STX18: variants seen among roughly 807,000 people sequenced by gnomAD.
The protein encoded by STX18 is syntaxin-18.
A neutral mutation model predicts 50.1 loss-of-function variants in STX18; 40 were observed. That is an observed-to-expected ratio of 0.80 (90% CI 0.62 to 1.04). The LOEUF is 1.04. STX18 is among the 50% of genes least tolerant of loss of function. The probability of loss-of-function intolerance (pLI) is 0.00; values close to 1 mark genes in which losing one functional copy is unlikely to be tolerated. For synonymous variants in STX18, 158 were observed against 151.8 expected (o/e 1.04, Z -0.30); for missense variants, 410 against 415.8 (o/e 0.99, Z 0.12).
intron 1 of STX18, chr4:4,507,324 A>G (rs909181917): frequency 3.3e-5 from 24 of 736,818 alleles, no homozygotes; most frequent in Non-Finnish European, 5.1e-5. Flanking sequence ...CTCAGCTCAC[A>G]GAGCTGAATA....
chr4:4,512,414 A>T (rs1730047639), intron 1 of STX18, among the ~76,000 whole-genome samples: 1 of 152,108 alleles, frequency 6.6e-6, no homozygotes. Flanking sequence ...TGACCTAGAG[A>T]GTAGAAGATA....
In STX18 at chr4:4,434,759, A is replaced by C. The variant is rs905610889; in HGVS notation, c.702+11T>G. ...GTTAAAAATAAATAATTAGGCAGAG[A>C]ATAGCATTACCATTTGTATTTCTTC... On this transcript the variant is annotated intron_variant, in intron 7 of 10. Coordinates refer to ENST00000306200, the MANE Select transcript of STX18 (RefSeq NM_016930.4). 9.4e-6 allele frequency: 15 copies of C among 1,597,126 alleles called. No individual in the cohort carries two copies. Among genetic ancestry groups the C allele is most frequent in the East Asian group, 4.5e-5 (2 of 44,448 alleles).
At chr4:4,441,822 A>G (rs1726122206) in intron 5 of STX18, among the ~76,000 whole-genome samples, 1 of 152,248 alleles carries the variant, frequency 6.6e-6, no homozygotes. Context: ...ACTCTAGTTA[A>G]TGATATGCAT....
At chr4:4,454,684 TTTTTC>T (rs1209548363) in intron 5 of STX18, among the ~76,000 whole-genome samples, 1 of 152,198 alleles carries the variant, frequency 6.6e-6, no homozygotes. Context: ...CACCCAGATA[TTTTTC>T]TTTTGACAGC....
At chr4:4,520,246 C>T (rs1730450930) in intron 1 of STX18, among the ~76,000 whole-genome samples, 1 of 152,112 alleles carries the variant, frequency 6.6e-6, no homozygotes, top group Non-Finnish European at 1.5e-5. Context: ...CTCAAAGATC[C>T]CAACTCTTTC....
intron 1 of STX18, among the ~76,000 whole-genome samples, chr4:4,521,972 A>G (rs1398705738): frequency 6.6e-6 from 1 of 152,184 alleles, no homozygotes; most frequent in Non-Finnish European, 1.5e-5. Flanking sequence ...CAGGCTCACA[A>G]TTGCAAGCTC....
chr4:4,522,537 C>T (rs993298230), intron 1 of STX18, among the ~76,000 whole-genome samples: 2 of 152,178 alleles, frequency 1.3e-5, no homozygotes, highest in Non-Finnish European at 2.9e-5. Flanking sequence ...CCTTTAGATG[C>T]ATGAGAAAAC....
intron 1 of STX18, chr4:4,507,276 GGC>G (rs1404421698): frequency 1.1e-5 from 8 of 708,392 alleles, no homozygotes; most frequent in Non-Finnish European, 1.9e-5. Flanking sequence ...GCATCTCCCA[GGC>G]TCTTCTGGAG....
At chr4:4,495,297 G>C (rs960701568) in intron 1 of STX18, among the ~76,000 whole-genome samples, 6 of 152,164 alleles carry the variant, frequency 3.9e-5, no homozygotes, top group African/African-American at 1.4e-4. Flanking sequence ...AAGGATTTCT[G>C]TAAGCCAACA....
intron 1 of STX18, among the ~76,000 whole-genome samples, chr4:4,485,880 G>A (rs1486958463): frequency 6.6e-6 from 1 of 152,098 alleles, no homozygotes; most frequent in Non-Finnish European, 1.5e-5. Context: ...GTACTTTCCT[G>A]CACGGAACAG....
chr4:4,462,892 CT>C (rs1415687808), intron 2 of STX18, among the ~76,000 whole-genome samples: 1 of 152,168 alleles, frequency 6.6e-6, no homozygotes, highest in African/African-American at 2.4e-5. Context: ...TTAGGCCCTT[CT>C]TTACTGTACT....
chr4:4,427,572 T>C (rs1725312484), intron 7 of STX18, among the ~76,000 whole-genome samples: 1 of 152,254 alleles, frequency 6.6e-6, no homozygotes, highest in Admixed American at 6.5e-5. Context: ...TGACAAAATA[T>C]GGCCCTGGCC....
In STX18 at chr4:4,419,589, CAA is replaced by C. The variant is rs1724814689; in HGVS notation, c.*443_*444del. 2 of 154,984 alleles carry C rather than the reference CAA, an allele frequency of 1.3e-5. No homozygotes were observed. The highest frequency in any genetic ancestry group is 4.8e-5 in the African/African-American group (2 of 41,534). The allele number at this position is 154,984 out of a possible 1,614,324, so 9.6% of individuals were successfully genotyped here. ...AGACAGACAAGAAGCCACAAGGAAA[CAA>C]AGAAGTAATCATTTGTTGAGAGACG... On this transcript the variant is annotated 3_prime_UTR_variant, in exon 11 of 11. Coordinates refer to ENST00000306200, the MANE Select transcript of STX18 (RefSeq NM_016930.4).
chr4:4,423,782 C>T (rs1187497118), intron 8 of STX18, 195 bp from the exon 9 acceptor site: 1 of 605,410 alleles, frequency 1.7e-6, no homozygotes, highest in Non-Finnish European at 2.9e-6. Flanking sequence ...TGTCTTCTGG[C>T]ATAGCCTAGC....
chr4:4,428,238 T>C (rs1442372907), intron 7 of STX18, among the ~76,000 whole-genome samples: 3 of 152,216 alleles, frequency 2.0e-5, no homozygotes, highest in African/African-American at 7.2e-5. Context: ...CCTGGGGCAA[T>C]GCTGGGCCAG....
chr4:4,507,207 C>A, intron 1 of STX18: 1 of 602,074 alleles, frequency 1.7e-6, no homozygotes, highest in South Asian at 1.5e-5. Flanking sequence ...AGCTCTCAGT[C>A]AGCCATGCAA....
At chr4:4,463,212 C>A (rs1372691424) in intron 2 of STX18, among the ~76,000 whole-genome samples, 1 of 152,154 alleles carries the variant, frequency 6.6e-6, no homozygotes, top group Non-Finnish European at 1.5e-5. Flanking sequence ...GGCCTTGTAG[C>A]CCATCACAGC....
intron 1 of STX18, among the ~76,000 whole-genome samples, chr4:4,484,981 T>A (rs963903842): frequency 6.6e-6 from 1 of 152,206 alleles, no homozygotes; most frequent in Non-Finnish European, 1.5e-5. Flanking sequence ...CCGACCCAAC[T>A]TCGCACTGCT....
intron 1 of STX18, chr4:4,507,556 A>G: frequency 1.3e-6 from 1 of 767,540 alleles, no homozygotes; most frequent in Non-Finnish European, 2.4e-6. Context: ...GCGTCCCAGG[A>G]GTGCACTCTG....
Sources: gnomAD v4.1 joint callset for allele counts (sites outside exome capture counted in the v4.1 genomes callset) on GRCh38, gnomAD v4.1.1 for gene constraint, MANE v1.5 for transcripts, NCBI Gene and HGNC (gene_info 2026-07-23, HGNC 2026-07-21) for gene names.